Variants in GRAMD2B observed in about 807,000 individuals in gnomAD.
GRAMD2B encodes GRAM domain-containing protein 2B.
GRAMD2B carries 41 observed loss-of-function variants against 59.2 expected under a neutral mutation model. The observed-to-expected ratio is 0.69, with a 90% confidence interval of 0.54 to 0.90. The LOEUF is 0.90. Ranked by LOEUF, GRAMD2B falls within the 40% of genes least tolerant of loss-of-function variation. GRAMD2B has a pLI of 0.00. For synonymous variants in GRAMD2B, 161 were observed against 182.7 expected (o/e 0.88, Z 0.96); for missense variants, 424 against 500.5 (o/e 0.85, Z 1.46).
intron 1 of GRAMD2B, chr5:126,433,516 T>G (rs1167415816): frequency 6.6e-6 from 1 of 152,218 alleles, no homozygotes; most frequent in Non-Finnish European, 1.5e-5. Context: ...ATTCTACAAT[T>G]CTAACATTGA....
chr5:126,450,558 C>T (rs1765150113), intron 1 of GRAMD2B, among the ~76,000 whole-genome samples: 1 of 151,792 alleles, frequency 6.6e-6, no homozygotes. Context: ...TCTGACTCCT[C>T]CCATTTCCTT....
intron 1 of GRAMD2B, among the ~76,000 whole-genome samples, chr5:126,402,311 C>A (rs1056120990): frequency 6.6e-6 from 1 of 152,084 alleles, no homozygotes; most frequent in Non-Finnish European, 1.5e-5. Flanking sequence ...TTAGCCAATG[C>A]AGAAAGCCTG....
chr5:126,426,879 A>G (rs1490364378), intron 1 of GRAMD2B, among the ~76,000 whole-genome samples: 3 of 152,216 alleles, frequency 2.0e-5, no homozygotes, highest in Non-Finnish European at 4.4e-5. Flanking sequence ...AGCTGCTGAT[A>G]CACTCATCAC....
At chr5:126,384,417 A>T (rs1388243705) in intron 1 of GRAMD2B, among the ~76,000 whole-genome samples, 3 of 152,228 alleles carry the variant, frequency 2.0e-5, no homozygotes, top group Admixed American at 6.5e-5. Context: ...CAACAAAATA[A>T]ACCTTGCCTA....
intron 6 of GRAMD2B, chr5:126,479,957 G>A (rs2126894880): frequency 6.5e-6 from 1 of 152,742 alleles, no homozygotes; most frequent in Non-Finnish European, 1.5e-5. Context: ...ATTTGTACAA[G>A]GAAGAATCTG....
chr5:126,470,418 A>G (rs539373949), intron 3 of GRAMD2B, among the ~76,000 whole-genome samples: 20 of 152,336 alleles, frequency 1.3e-4, no homozygotes, highest in Non-Finnish European at 2.5e-4. Flanking sequence ...AAATTTAAAT[A>G]TGAAATGTAT....
Position 126,423,433 on chromosome 5 carries a change from A to G in GRAMD2B, c.-174A>G, listed in dbSNP as rs1759981793. The G allele has an allele frequency of 1.4e-6, 2 of 1,404,720 alleles. No homozygotes were observed. Among genetic ancestry groups the G allele is most frequent in the Non-Finnish European group, 1.8e-6 (2 of 1,085,248 alleles). The allele number at this position is 1,404,720 out of a possible 1,614,324, so 87.0% of individuals were successfully genotyped here. A position where few individuals can be genotyped will look rare whatever the true frequency, so the allele number is the denominator to read the frequency against. Reference sequence around the variant, plus strand: ...CAATCGCGCCCGCTCCGACGTGTCCAGGTCCGCGGCCCCGGGAGCTTGGCG... The same window carrying G: ...CAATCGCGCCCGCTCCGACGTGTCCGGGTCCGCGGCCCCGGGAGCTTGGCG... On this transcript the variant is annotated 5_prime_UTR_variant, in exon 1 of 14. Coordinates refer to ENST00000285689, the MANE Select transcript of GRAMD2B (RefSeq NM_023927.4).
rs142435997 is a variant in GRAMD2B, at chr5:126,486,893, C to T, written c.1079C>T (p.Ser360Leu). 3.1e-5 allele frequency: 50 copies of T among 1,610,954 alleles called. No individual in the cohort carries two copies. Among genetic ancestry groups the T allele is most frequent in the Admixed American group, 1.3e-4 (8 of 59,966 alleles). Reference sequence around the variant, plus strand: ...TCCAGTGTCTGTGCACTAATCATCTCGACCTTCTACATGAGATACAGAATT... The same window carrying T: ...TCCAGTGTCTGTGCACTAATCATCTTGACCTTCTACATGAGATACAGAATT... ...YAIVVCALII[S>L]TFYMRYRINT... The change falls in exon 12 of 14, where the codon TCG becomes TTG. Residue 360 changes from serine to leucine, a missense_variant. Coordinates refer to ENST00000285689, the MANE Select transcript of GRAMD2B (RefSeq NM_023927.4).
chr5:126,384,234 G>T (rs921170561), intron 1 of GRAMD2B, among the ~76,000 whole-genome samples: 3 of 152,062 alleles, frequency 2.0e-5, no homozygotes, highest in African/African-American at 7.2e-5. Flanking sequence ...ATCTCTGTTG[G>T]TGACTGACAC....
chr5:126,483,136 A>G (rs901233850), intron 8 of GRAMD2B, among the ~76,000 whole-genome samples: 22 of 152,220 alleles, frequency 1.4e-4, no homozygotes, highest in Admixed American at 5.9e-4. Context: ...TGTAGTAATC[A>G]GGTTTTCTCA....
intron 1 of GRAMD2B, among the ~76,000 whole-genome samples, chr5:126,428,984 C>A (rs1761094887): frequency 1.3e-5 from 2 of 152,122 alleles, no homozygotes; most frequent in Admixed American, 1.3e-4. Context: ...TGTGGCAATT[C>A]CTCAAATACC....
At chr5:126,477,540 C>T in intron 5 of GRAMD2B, 152 bp from the exon 6 acceptor site, 1 of 654,852 alleles carries the variant, frequency 1.5e-6, no homozygotes, top group Non-Finnish European at 2.7e-6. Context: ...CCCTGCCACT[C>T]TGTAAGACTG....
chr5:126,419,979 C>T (rs1392584205), upstream of GRAMD2B, among the ~76,000 whole-genome samples: 5 of 142,870 alleles, frequency 3.5e-5, no homozygotes, highest in African/African-American at 1.1e-4. Flanking sequence ...TGCTTGAACC[C>T]AGGAGGCAGA....
intron 1 of GRAMD2B, among the ~76,000 whole-genome samples, chr5:126,446,935 GCATTAC>G (rs1764357178): frequency 6.6e-6 from 1 of 152,082 alleles, no homozygotes; most frequent in African/African-American, 2.4e-5. Context: ...TAATATCTAA[GCATTAC>G]CCTTTACACT....
intron 5 of GRAMD2B, among the ~76,000 whole-genome samples, chr5:126,474,549 T>C (rs1770210571): frequency 6.6e-6 from 1 of 152,180 alleles, no homozygotes; most frequent in African/African-American, 2.4e-5. Flanking sequence ...GGATTAAAGG[T>C]CTTGTTCATG....
chr5:126,440,031 A>G (rs1402353469), intron 1 of GRAMD2B, among the ~76,000 whole-genome samples: 3 of 152,090 alleles, frequency 2.0e-5, no homozygotes, highest in African/African-American at 7.2e-5. Context: ...TTTTTTTTTA[A>G]TAAATTACCC....
chr5:126,433,448 G>A (rs1207266942), intron 1 of GRAMD2B: 2 of 152,166 alleles, frequency 1.3e-5, no homozygotes, highest in Non-Finnish European at 1.5e-5. Context: ...GCATCCCTGC[G>A]TAGCTCTCTT....
upstream of GRAMD2B, chr5:126,371,311 T>C: frequency 1.8e-6 from 2 of 1,131,388 alleles, no homozygotes; most frequent in Non-Finnish European, 2.2e-6. Context: ...CTAGATTGAG[T>C]CACATGAAGA....
At position 126,483,580 on chromosome 5, in the gene GRAMD2B, G is replaced by A. The variant is rs751603239; in HGVS notation, c.847+6G>A. Reference sequence around the variant, plus strand: ...TGAATCTGAGAACTCTCGAGGTTTGGGAAATTGTTGTATTTTGACTAAAAT... The same window carrying A: ...TGAATCTGAGAACTCTCGAGGTTTGAGAAATTGTTGTATTTTGACTAAAAT... On this transcript the variant is annotated splice_donor_region_variant and intron_variant, in intron 9 of 13. Transcript: ENST00000285689. 2 of 1,514,710 alleles carry A rather than the reference G, an allele frequency of 1.3e-6. No individual in the cohort carries two copies. Among genetic ancestry groups the A allele is most frequent in the South Asian group, 2.3e-5 (2 of 88,374 alleles). The allele number at this position is 1,514,710 out of a possible 1,614,324, so 93.8% of individuals were successfully genotyped here. A position where few individuals can be genotyped will look rare whatever the true frequency, so the allele number is the denominator to read the frequency against.
Sources: allele counts gnomAD v4.1 joint callset (sites outside exome capture counted in the v4.1 genomes callset), GRCh38; gene constraint gnomAD v4.1.1; transcripts MANE v1.5; gene names NCBI Gene and HGNC (gene_info 2026-07-23, HGNC 2026-07-21).